PRMT8: variants seen among roughly 807,000 people sequenced by gnomAD.
PRMT8 encodes the protein protein arginine N-methyltransferase 8.
Under a neutral mutation model 47.1 loss-of-function variants are expected in PRMT8, and 7 were observed. The observed-to-expected ratio is 0.15, with a 90% CI of 0.08 to 0.28. The LOEUF is 0.28. PRMT8 is among the 10% of genes least tolerant of loss of function. PRMT8 has a pLI of 1.00. For missense variants in PRMT8, 237 were observed against 505.4 expected, an observed-to-expected ratio of 0.47 and a Z score of 5.09; for synonymous variants, 188 against 186.5, an observed-to-expected ratio of 1.01 and a Z score of -0.07.
chr12:3,593,410 G>C lies in PRMT8; in HGVS notation c.*228G>C, dbSNP rs1352927221. On this transcript the variant is annotated 3_prime_UTR_variant, in exon 10 of 10. Coordinates refer to ENST00000382622, the MANE Select transcript of PRMT8 (RefSeq NM_019854.5). This position sits in a 1 kb window ranked among gnomAD's most constrained non-coding sequence, Gnocchi z 4.8. ...TAGCCCTTCACGAAGGCTTTGTGTT[G>C]CCAACAAAGAGCGACCTGGCGTGCT... The C allele has an allele frequency of 1.1e-5, 6 of 526,054 alleles. No individual in the cohort carries two copies. Among genetic ancestry groups the C allele is most frequent in the Non-Finnish European group, 1.3e-5 (4 of 299,790 alleles). 32.6% of individuals were successfully genotyped at this position (526,054 alleles called of 1,614,324 possible).
At chr12:3,481,024 G>A (rs1865269901) in intron 1 of PRMT8, among the ~76,000 whole-genome samples, 1 of 152,238 alleles carries the variant, frequency 6.6e-6, no homozygotes, top group South Asian at 2.1e-4. Context: ...ATGGGAGGAT[G>A]CATGTGAGAC....
intron 1 of PRMT8, among the ~76,000 whole-genome samples, chr12:3,459,309 C>A (rs527721931): frequency 3.9e-5 from 6 of 152,290 alleles, no homozygotes; most frequent in African/African-American, 1.4e-4. Context: ...CCTCCCCAGT[C>A]TTCCCTCATG....
rs116044579 is a variant in PRMT8, at chr12:3,484,890, A to G, written c.49-55716A>G. 7.7e-3 allele frequency among the ~76,000 whole-genome samples: 1,170 copies of G among 152,208 alleles called. 14 individuals carry two copies. The highest frequency in any genetic ancestry group is 0.026 in the African/African-American group (1,081 of 41,518). Reference sequence around the variant, plus strand: ...TTGGTTTAAAAGGGAGTCAAACAAGACCTTCTGGGGAGTGGGGAGTGTGGT... The same window carrying G: ...TTGGTTTAAAAGGGAGTCAAACAAGGCCTTCTGGGGAGTGGGGAGTGTGGT... On this transcript the variant is annotated intron_variant, in intron 1 of 9. Transcript: ENST00000452611.
intron 1 of PRMT8, among the ~76,000 whole-genome samples, chr12:3,420,996 C>T (rs961952046): frequency 1.3e-5 from 2 of 152,212 alleles, no homozygotes; most frequent in Admixed American, 1.3e-4. Flanking sequence ...TCAAAAATCA[C>T]ATCAAATATC....
chr12:3,465,804 A>G (rs1865092089), intron 1 of PRMT8, among the ~76,000 whole-genome samples: 1 of 152,188 alleles, frequency 6.6e-6, no homozygotes, highest in South Asian at 2.1e-4. Context: ...TGCTAATAGC[A>G]TTTGCTGCTT....
At chr12:3,558,983 T>TATCG (rs1432951476) in intron 4 of PRMT8, among the ~76,000 whole-genome samples, 1 of 152,070 alleles carries the variant, frequency 6.6e-6, no homozygotes, top group Non-Finnish European at 1.5e-5. Flanking sequence ...TCTATCTATC[T>TATCG]ATCTATCTGT....
At chr12:3,512,311 C>T (rs570951286) in intron 1 of PRMT8, among the ~76,000 whole-genome samples, 57 of 152,280 alleles carry the variant, frequency 3.7e-4, no homozygotes, top group South Asian at 1.2e-3. Flanking sequence ...GATGTTGCCT[C>T]CAGCCTACTG....
chr12:3,554,280 A>G (rs1866485591), intron 4 of PRMT8, among the ~76,000 whole-genome samples: 1 of 152,054 alleles, frequency 6.6e-6, no homozygotes, highest in South Asian at 2.1e-4. Flanking sequence ...GGACAGCGAC[A>G]TTTCCCAGTC....
chr12:3,490,748 C>T (rs1865379887), upstream of PRMT8, among the ~76,000 whole-genome samples: 1 of 146,110 alleles, frequency 6.8e-6, no homozygotes, highest in Non-Finnish European at 1.5e-5. Flanking sequence ...ACCACACTTA[C>T]CCCTAGAGTT....
rs76722834 is a variant in PRMT8 at position 3,406,141 on chromosome 12, G to A, written c.48+24699G>A. Among the ~76,000 whole-genome samples, 440 of 152,344 alleles carry A rather than the reference G, an allele frequency of 2.9e-3. 4 individuals carry two copies. Among genetic ancestry groups the A allele is most frequent in the African/African-American group, 9.7e-3 (403 of 41,592 alleles). On this transcript the variant is annotated intron_variant, in intron 1 of 9. Coordinates refer to the PRMT8 transcript ENST00000452611. The stretch of plus-strand genomic sequence containing the variant: ...CCACCTGGAAGCTGCCAAGTCTTGG[G>A]ACTTGCACCTTTTGAAGCAATGGCT...
At chr12:3,381,797 TAATCA>T (rs777866874) in intron 1 of PRMT8, among the ~76,000 whole-genome samples, 1 of 152,194 alleles carries the variant, frequency 6.6e-6, no homozygotes, top group Non-Finnish European at 1.5e-5. Context: ...GACCTTGAAG[TAATCA>T]AGATACAGAA....
chr12:3,461,230 T>C (rs1865037587), intron 1 of PRMT8, among the ~76,000 whole-genome samples: 1 of 152,302 alleles, frequency 6.6e-6, no homozygotes, highest in East Asian at 1.9e-4. Context: ...AAGCTCTTTG[T>C]AGATTATCTG....
upstream of PRMT8, among the ~76,000 whole-genome samples, chr12:3,490,548 G>GA (rs1171067175): frequency 9.0e-6 from 1 of 110,648 alleles, no homozygotes; most frequent in Non-Finnish European, 1.9e-5. Flanking sequence ...GACTGGAGTG[G>GA]GGGGGGGGGC....
In PRMT8 at chr12:3,453,908, A is replaced by G. The variant is rs1285108474; in HGVS notation, c.48+72466A>G. Among the ~76,000 whole-genome samples the G allele has an allele frequency of 1.3e-5, 2 of 152,124 alleles. No individual in the cohort carries two copies. The highest frequency in any genetic ancestry group is 4.8e-5 in the African/African-American group (2 of 41,418). On this transcript the variant is annotated intron_variant, in intron 1 of 9. Transcript: ENST00000452611. This position sits in a 1 kb window ranked among gnomAD's most constrained non-coding sequence, Gnocchi z 4.9. Reference sequence around the variant, plus strand: ...TGCAGCCTTGTCCTCAGCGTTCAACACGGGGTGCCTCGTGTGCTCCTCATG... The same window carrying G: ...TGCAGCCTTGTCCTCAGCGTTCAACGCGGGGTGCCTCGTGTGCTCCTCATG...
chr12:3,488,288 G>GA (rs1463554858), upstream of PRMT8, among the ~76,000 whole-genome samples: 2 of 152,112 alleles, frequency 1.3e-5, no homozygotes, highest in Non-Finnish European at 2.9e-5. Flanking sequence ...AGGGCCTAGC[G>GA]AATGTTGACA....
At chr12:3,590,492 A>T (rs1333394376) in intron 8 of PRMT8, among the ~76,000 whole-genome samples, 1 of 152,122 alleles carries the variant, frequency 6.6e-6, no homozygotes, top group Non-Finnish European at 1.5e-5. Flanking sequence ...TCTGCCTTCT[A>T]ATCATGCCTA....
At chr12:3,398,507 TC>T (rs1331838411) in intron 1 of PRMT8, among the ~76,000 whole-genome samples, 1 of 152,216 alleles carries the variant, frequency 6.6e-6, no homozygotes, top group Non-Finnish European at 1.5e-5. Context: ...CTTTGGGGAT[TC>T]CCCTTTGAGG....
At chr12:3,467,744 G>A (rs1040258753) in intron 1 of PRMT8, among the ~76,000 whole-genome samples, 7 of 152,206 alleles carry the variant, frequency 4.6e-5, no homozygotes, top group Admixed American at 3.3e-4. Context: ...CAGTTTCACC[G>A]AGGAGCAGGG....
chr12:3,506,697 G>A (rs781611029), intron 1 of PRMT8, among the ~76,000 whole-genome samples: 24 of 152,112 alleles, frequency 1.6e-4, no homozygotes, highest in Non-Finnish European at 8.8e-5. Flanking sequence ...ATGGGGGCAC[G>A]GAAGAGAAGT....
Sources: gnomAD v4.1 joint callset for allele counts (sites outside exome capture counted in the v4.1 genomes callset) on GRCh38, gnomAD v4.1.1 for gene constraint, Gnocchi (gnomAD v3.1) non-coding constraint, MANE v1.5 for transcripts, NCBI Gene and HGNC (gene_info 2026-07-23, HGNC 2026-07-21) for gene names.